Variants in MRTFA observed in about 807,000 individuals in gnomAD.
MRTFA encodes the protein myocardin-related transcription factor A.
MRTFA carries 20 observed loss-of-function variants against 83.5 expected under a neutral mutation model. The observed-to-expected ratio is 0.24, with a 90% confidence interval of 0.17 to 0.35. The LOEUF (loss-of-function observed/expected upper bound fraction) is 0.35. MRTFA is among the 10% of genes least tolerant of loss of function. The pLI, the probability that MRTFA is intolerant of heterozygous loss-of-function variation, is 1.00. For synonymous variants in MRTFA, 659 were observed against 541.2 expected, an observed-to-expected ratio of 1.22 and a Z score of -3.02; for missense variants, 1,200 against 1,224.7, an observed-to-expected ratio of 0.98 and a Z score of 0.30.
intron 3 of MRTFA, among the ~76,000 whole-genome samples, chr22:40,507,102 T>A (rs1462163632): frequency 6.6e-6 from 1 of 152,158 alleles, no homozygotes; most frequent in Non-Finnish European, 1.5e-5. Context: ...GGTTCAAACG[T>A]GTAAAACCAG....
chr22:40,431,505 C>T, intron 5 of MRTFA, 25 bp from the exon 6 acceptor site: 6 of 1,609,678 alleles, frequency 3.7e-6, no homozygotes, highest in Non-Finnish European at 5.1e-6. Flanking sequence ...CACCAAGAAA[C>T]TCTCAAATCC....
In MRTFA at chr22:40,424,301, G is replaced by A. The variant is rs1320763682; in HGVS notation, c.682C>T (p.Pro228Ser). ...GAACCCTGGGACTCATGGCTGGCAG[G>A]CTGCTCGGGGGATAAGGCATCGCTG... Residue 228 changes from proline to serine, a missense_variant, in exon 8 of 15, where the codon CCT becomes TCT. Around this residue, in one of 2 missense-constraint regions of MRTFA, gnomAD observed 1,107 missense variants for 1,041.8 expected, o/e 1.06. Coordinates refer to ENST00000355630, the MANE Select transcript of MRTFA (RefSeq NM_020831.6). 5.6e-6 allele frequency: 9 copies of A among 1,612,554 alleles called. No homozygotes were observed. Among genetic ancestry groups the A allele is most frequent in the Admixed American group, 5.0e-5 (3 of 59,694 alleles).
chr22:40,455,996 T>C (rs1010003358), intron 4 of MRTFA, among the ~76,000 whole-genome samples: 3 of 151,992 alleles, frequency 2.0e-5, no homozygotes, highest in Non-Finnish European at 2.9e-5. Context: ...TTTTTGTGTG[T>C]GTGTATTTTT....
At chr22:40,538,586 A>AG (rs1196769397) in intron 3 of MRTFA, among the ~76,000 whole-genome samples, 4 of 151,476 alleles carry the variant, frequency 2.6e-5, no homozygotes, top group Admixed American at 6.6e-5. Context: ...TTAAAAAAAA[A>AG]ATTAAACAAG....
intron 3 of MRTFA, among the ~76,000 whole-genome samples, chr22:40,540,786 A>AC (rs2055276138): frequency 6.6e-6 from 1 of 150,610 alleles, no homozygotes; most frequent in Non-Finnish European, 1.5e-5. Flanking sequence ...CAAAAAAAAA[A>AC]AAAAAAAAAA....
intron 12 of MRTFA, chr22:40,417,712 G>A: frequency 1.8e-6 from 1 of 553,238 alleles, no homozygotes; most frequent in Non-Finnish European, 3.2e-6. Context: ...GGCCCCTTGA[G>A]GTTTGGGAGA....
chr22:40,617,228 A>G (rs1602500038), intron 1 of MRTFA, among the ~76,000 whole-genome samples: 1 of 123,436 alleles, frequency 8.1e-6, no homozygotes, highest in African/African-American at 3.0e-5. Flanking sequence ...GAGGGCGGGC[A>G]GGGAGGCAGA....
intron 3 of MRTFA, among the ~76,000 whole-genome samples, chr22:40,515,149 C>T (rs1192179369): frequency 6.6e-6 from 1 of 151,878 alleles, no homozygotes; most frequent in African/African-American, 2.4e-5. Context: ...CCTTGTGATC[C>T]ACCTGCCTCA....
chr22:40,502,168 C>CA (rs2054498684), intron 3 of MRTFA, among the ~76,000 whole-genome samples: 1 of 147,186 alleles, frequency 6.8e-6, no homozygotes, highest in East Asian at 2.1e-4. Context: ...CTGACCCCCC[C>CA]CACCTCCCTC....
intron 1 of MRTFA, among the ~76,000 whole-genome samples, chr22:40,617,184 A>AGGAAGGAG (rs2056460760): frequency 1.8e-5 from 1 of 55,504 alleles, no homozygotes; most frequent in Non-Finnish European, 3.2e-5. Flanking sequence ...GAAGGAGGGA[A>AGGAAGGAG]GGAGGGAGGG....
At chr22:40,543,181 C>G (rs1244678944) in intron 3 of MRTFA, among the ~76,000 whole-genome samples, 1 of 152,146 alleles carries the variant, frequency 6.6e-6, no homozygotes, top group Non-Finnish European at 1.5e-5. Context: ...GAAAACCATG[C>G]TTTCTGAGGA....
At chr22:40,551,464 T>C (rs2055443331) in intron 3 of MRTFA, among the ~76,000 whole-genome samples, 1 of 152,156 alleles carries the variant, frequency 6.6e-6, no homozygotes, top group Non-Finnish European at 1.5e-5. Context: ...CGCCTCCTAG[T>C]TCAATCGATC....
At chr22:40,457,942 A>G (rs2053626371) in intron 4 of MRTFA, among the ~76,000 whole-genome samples, 2 of 152,238 alleles carry the variant, frequency 1.3e-5, no homozygotes, top group Non-Finnish European at 1.5e-5. Context: ...CCTCTGCAAC[A>G]GCTCTCATGC....
rs564792888 is a variant in MRTFA at position 40,481,503 on chromosome 22, G to C, written c.242-18217C>G. The stretch of plus-strand genomic sequence containing the variant: ...CTAGCAGGGAAAACATAATAAATAA[G>C]GTGTACGTATTATAATTTCAGGGAG... On this transcript the variant is annotated intron_variant, in intron 3 of 14. Transcript: ENST00000355630. Among the ~76,000 whole-genome samples, 8 of 152,150 alleles carry C rather than the reference G, an allele frequency of 5.3e-5. No individual in the cohort carries two copies. The South Asian group carries it at 1.7e-3, about 32-fold the overall frequency.
At chr22:40,592,349 G>A (rs2056133538) in intron 2 of MRTFA, among the ~76,000 whole-genome samples, 1 of 151,240 alleles carries the variant, frequency 6.6e-6, no homozygotes, top group African/African-American at 2.4e-5. Context: ...TCCGGAGGCT[G>A]AGGCAGAAGG....
intron 3 of MRTFA, among the ~76,000 whole-genome samples, chr22:40,507,269 G>C (rs538082099): frequency 1.3e-5 from 2 of 152,086 alleles, no homozygotes; most frequent in Non-Finnish European, 2.9e-5. Context: ...GCTGAGGCAG[G>C]ATAATTACTT....
rs201339372 is a variant in MRTFA at position 40,515,911 on chromosome 22, T to TAC, written c.241+36193_241+36194dup. On this transcript the variant is annotated intron_variant, in intron 3 of 14. Coordinates refer to ENST00000355630, the MANE Select transcript of MRTFA (RefSeq NM_020831.6). ...AACATCTAGCACGTGACAAATTCTG[T>TAC]ACACACACACACATAAATATACTAT... 2.1e-3 allele frequency among the ~76,000 whole-genome samples: 321 copies of TAC among 152,170 alleles called. 3 individuals are homozygous for TAC. Among genetic ancestry groups the TAC allele is most frequent in the East Asian group, 0.013 (66 of 5,170 alleles).
chr22:40,619,853 G>C (rs1479352673), intron 1 of MRTFA, among the ~76,000 whole-genome samples: 1 of 135,096 alleles, frequency 7.4e-6, no homozygotes, highest in Non-Finnish European at 1.5e-5. Context: ...TCACACCACT[G>C]CACTCCAGCC....
At chr22:40,484,688 G>C (rs5757962) in intron 3 of MRTFA, among the ~76,000 whole-genome samples, 1 of 152,218 alleles carries the variant, frequency 6.6e-6, no homozygotes, top group South Asian at 2.1e-4. Flanking sequence ...GGATACTTCA[G>C]AAACAATTTC....
Sources: gnomAD v4.1 joint callset for allele counts (sites outside exome capture counted in the v4.1 genomes callset) on GRCh38, gnomAD v4.1.1 for gene constraint, gnomAD v4.1.1 regional missense constraint, MANE v1.5 for transcripts, NCBI Gene and HGNC (gene_info 2026-07-23, HGNC 2026-07-21) for gene names.